SGMS2: variants seen among roughly 807,000 people sequenced by gnomAD.
SGMS2 encodes the protein sphingomyelin synthase 2, also known as phosphatidylcholine:ceramide cholinephosphotransferase 2.
In SGMS2, 21 loss-of-function variants were observed where a neutral mutation model predicts 43.8. The observed-to-expected ratio is 0.48, with a 90% CI of 0.34 to 0.69. The LOEUF is 0.69. SGMS2 is among the 30% of genes least tolerant of loss of function. SGMS2 has a pLI of 0.01. For synonymous variants in SGMS2, 167 were observed against 160.6 expected (o/e 1.04, Z -0.30); for missense variants, 384 against 443.2 (o/e 0.87, Z 1.20).
chr4:107,896,257 T>G (rs948000506), intron 3 of SGMS2, among the ~76,000 whole-genome samples: 2 of 152,162 alleles, frequency 1.3e-5, no homozygotes, highest in African/African-American at 4.8e-5. Flanking sequence ...TCAGAGTTGA[T>G]GAATTTAAGG....
At chr4:107,897,208 G>C (rs1730742371) in intron 3 of SGMS2, among the ~76,000 whole-genome samples, 1 of 152,168 alleles carries the variant, frequency 6.6e-6, no homozygotes, top group African/African-American at 2.4e-5. Context: ...CAACTTTGCA[G>C]TCTTAAAACC....
At chr4:107,883,668 C>T (rs1166899433) in intron 2 of SGMS2, among the ~76,000 whole-genome samples, 2 of 152,146 alleles carry the variant, frequency 1.3e-5, no homozygotes, top group Admixed American at 6.5e-5. Flanking sequence ...AACCATAATT[C>T]ATTTAGCTAA....
rs561503803 is a variant in SGMS2, at chr4:107,889,670, C to G, written c.-244-5640C>G. On this transcript the variant is annotated intron_variant, in intron 2 of 6. Transcript: ENST00000690982. ...TAGATTCATAAAAAACGTTTTTTTCCTATCCTAGATTTTCAAGATTTTGAT... is the reference window on the plus strand; with the variant it reads ...TAGATTCATAAAAAACGTTTTTTTCGTATCCTAGATTTTCAAGATTTTGAT... Among the ~76,000 whole-genome samples, 12 of 152,112 alleles carry G rather than the reference C, an allele frequency of 7.9e-5. No individual in the cohort carries two copies. The South Asian group carries it at 2.5e-3, about 32-fold the overall frequency.
At chr4:107,829,640 T>G (rs1725776830) in intron 1 of SGMS2, among the ~76,000 whole-genome samples, 1 of 152,242 alleles carries the variant, frequency 6.6e-6, no homozygotes, top group Non-Finnish European at 1.5e-5. Flanking sequence ...GATATCTCGC[T>G]TAAAGCTTTC....
intron 2 of SGMS2, among the ~76,000 whole-genome samples, chr4:107,865,723 A>C (rs1470328781): frequency 6.6e-6 from 1 of 152,096 alleles, no homozygotes; most frequent in South Asian, 2.1e-4. Context: ...TTAATGCCTT[A>C]TTTCTTCTCT....
chr4:107,908,639 G>A lies in SGMS2; in HGVS notation c.802G>A (p.Val268Ile). 2 of 1,614,004 alleles carry A rather than the reference G, an allele frequency of 1.2e-6. No individual in the cohort carries two copies. The highest frequency in any genetic ancestry group is 8.5e-7 in the Non-Finnish European group (1 of 1,179,962). The change falls in exon 6 of 7, where the codon GTA becomes ATA. Residue 268 changes from valine (V) to isoleucine (I), a missense_variant. Transcript: ENST00000690982. ...TGCTGCCGGGATCATCTGCATTCTT[G>A]TAGCACACGAACACTACACTATCGA... ...LSAAGIICIL[V>I]AHEHYTIDVI...
chr4:107,853,972 T>C (rs1727289643), intron 1 of SGMS2, among the ~76,000 whole-genome samples: 1 of 152,230 alleles, frequency 6.6e-6, no homozygotes, highest in Non-Finnish European at 1.5e-5. Context: ...CTACATTTAG[T>C]GTACGTGAAC....
chr4:107,841,800 A>G (rs1404943832), intron 1 of SGMS2, among the ~76,000 whole-genome samples: 1 of 151,782 alleles, frequency 6.6e-6, no homozygotes, highest in Non-Finnish European at 1.5e-5. Context: ...CATGCATGCC[A>G]CCATGTTCAG....
At chr4:107,855,681 G>A (rs560276710) in intron 1 of SGMS2, among the ~76,000 whole-genome samples, 41 of 152,244 alleles carry the variant, frequency 2.7e-4, no homozygotes, top group African/African-American at 9.9e-4. Context: ...GAAATGTTGT[G>A]TAAATGTCTG....
intron 2 of SGMS2, among the ~76,000 whole-genome samples, chr4:107,864,768 C>T (rs956196841): frequency 2.6e-5 from 4 of 152,164 alleles, no homozygotes; most frequent in African/African-American, 9.7e-5. Flanking sequence ...AATTTTCCAG[C>T]TTTCCTTGAA....
chr4:107,848,035 G>A (rs1726932651), intron 1 of SGMS2, among the ~76,000 whole-genome samples: 1 of 152,104 alleles, frequency 6.6e-6, no homozygotes, highest in South Asian at 2.1e-4. Flanking sequence ...ATACAGAATA[G>A]TTTCACTGCC....
chr4:107,870,832 C>T (rs1728508885), intron 2 of SGMS2, among the ~76,000 whole-genome samples: 1 of 152,118 alleles, frequency 6.6e-6, no homozygotes, highest in Non-Finnish European at 1.5e-5. Context: ...TTTTTGATAG[C>T]ATGTTTATAT....
chr4:107,908,908 T>C (rs528920196), intron 6 of SGMS2, among the ~76,000 whole-genome samples, 177 bp downstream of exon 6: 53 of 152,284 alleles, frequency 3.5e-4, no homozygotes, highest in African/African-American at 1.2e-3. Flanking sequence ...ATAAATGCCA[T>C]TTATGGATAA....
intron 1 of SGMS2, among the ~76,000 whole-genome samples, chr4:107,833,454 C>T (rs1315437403): frequency 6.6e-6 from 1 of 152,084 alleles, no homozygotes; most frequent in Non-Finnish European, 1.5e-5. Context: ...CCAAAATGCT[C>T]CAAAATCTGA....
chr4:107,857,845 T>A (rs1418810439), intron 1 of SGMS2, among the ~76,000 whole-genome samples: 1 of 152,220 alleles, frequency 6.6e-6, no homozygotes, highest in Non-Finnish European at 1.5e-5. Flanking sequence ...TCTACTGTCC[T>A]ATAAAGCCCT....
intron 2 of SGMS2, among the ~76,000 whole-genome samples, chr4:107,892,535 A>G (rs772213936): frequency 6.6e-6 from 1 of 152,186 alleles, no homozygotes; most frequent in Non-Finnish European, 1.5e-5. Context: ...TTGCACACCC[A>G]TGACACAGCC....
At chr4:107,835,989 T>C (rs1726147725) in intron 1 of SGMS2, among the ~76,000 whole-genome samples, 1 of 152,194 alleles carries the variant, frequency 6.6e-6, no homozygotes, top group Non-Finnish European at 1.5e-5. Flanking sequence ...ACAGCCACAT[T>C]ACAAAAAGCA....
chr4:107,834,587 T>A (rs1726067430), intron 1 of SGMS2, among the ~76,000 whole-genome samples: 1 of 152,212 alleles, frequency 6.6e-6, no homozygotes, highest in African/African-American at 2.4e-5. Context: ...TGGTATTTTC[T>A]CATTTGCCTA....
At chr4:107,865,316 G>T (rs1160666895) in intron 2 of SGMS2, among the ~76,000 whole-genome samples, 5 of 152,142 alleles carry the variant, frequency 3.3e-5, no homozygotes, top group African/African-American at 1.2e-4. Context: ...TACGAGAGAG[G>T]TCTCATCTAG....
Sources: gnomAD v4.1 joint callset for allele counts (sites outside exome capture counted in the v4.1 genomes callset) on GRCh38, gnomAD v4.1.1 for gene constraint, MANE v1.5 for transcripts, NCBI Gene and HGNC (gene_info 2026-07-23, HGNC 2026-07-21) for gene names.